MCUB: variants seen among roughly 807,000 people sequenced by gnomAD.
MCUB encodes calcium uniporter regulatory subunit MCUb, mitochondrial.
Under a neutral mutation model 41.4 loss-of-function variants are expected in MCUB, and 46 were observed. That is an observed-to-expected ratio of 1.11 (90% CI 0.88 to 1.42). The LOEUF (loss-of-function observed/expected upper bound fraction) is 1.42. Ranked by LOEUF, MCUB falls within the 40% of genes most tolerant of loss-of-function variation. The pLI, the probability that MCUB is intolerant of heterozygous loss-of-function variation, is 0.00. For missense variants in MCUB, 403 were observed against 404.9 expected, an observed-to-expected ratio of 1.00 and a Z score of 0.04; for synonymous variants, 148 against 148.2, an observed-to-expected ratio of 1.00 and a Z score of 0.01.
intron 1 of MCUB, among the ~76,000 whole-genome samples, chr4:109,632,615 C>CTTTTTTTT (rs33926597): frequency 8.5e-6 from 1 of 116,978 alleles, no homozygotes; most frequent in African/African-American, 3.4e-5. Flanking sequence ...TCTGTCATTG[C>CTTTTTTTT]TTTTTTTTTT....
chr4:109,647,735 C>T (rs1282339057), intron 1 of MCUB, among the ~76,000 whole-genome samples: 1 of 152,164 alleles, frequency 6.6e-6, no homozygotes, highest in Non-Finnish European at 1.5e-5. Flanking sequence ...AGGTCACACC[C>T]ATAATAACCG....
chr4:109,652,046 T>C (rs372688504), intron 1 of MCUB, among the ~76,000 whole-genome samples: 60 of 152,366 alleles, frequency 3.9e-4, no homozygotes, highest in African/African-American at 1.3e-3. Context: ...CTTCTTGGCT[T>C]GTACATGGCT....
At chr4:109,617,424 G>A (rs757946399) in intron 1 of MCUB, among the ~76,000 whole-genome samples, 13 of 152,304 alleles carry the variant, frequency 8.5e-5, no homozygotes, top group Non-Finnish European at 1.6e-4. Flanking sequence ...GTCGGGGGTG[G>A]GAGGGAGGAC....
intron 1 of MCUB, among the ~76,000 whole-genome samples, chr4:109,650,114 A>G (rs964551294): frequency 1.3e-5 from 2 of 152,220 alleles, no homozygotes; most frequent in Non-Finnish European, 2.9e-5. Flanking sequence ...GGTGTAAACT[A>G]AAAGGAAGAC....
intron 1 of MCUB, among the ~76,000 whole-genome samples, chr4:109,649,662 G>T (rs537050675): frequency 4.2e-4 from 64 of 151,398 alleles, no homozygotes; most frequent in Non-Finnish European, 8.3e-4. Context: ...AGAATTTTTT[G>T]TTTCTGGGGT....
intron 4 of MCUB, 47 bp from the exon 5 acceptor site, chr4:109,682,535 C>T (rs190359588): frequency 2.4e-5 from 36 of 1,504,586 alleles, no homozygotes; most frequent in South Asian, 1.7e-4. Flanking sequence ...ACACACCCTG[C>T]GGGAACAATG....
chr4:109,683,038 T>G (rs1478983426), intron 5 of MCUB: 1 of 226,572 alleles, frequency 4.4e-6, no homozygotes, highest in Non-Finnish European at 8.5e-6. Context: ...AGTCATAATG[T>G]CTCTGTAAAT....
At chr4:109,626,154 A>T (rs1054043064) in intron 1 of MCUB, among the ~76,000 whole-genome samples, 1 of 152,190 alleles carries the variant, frequency 6.6e-6, no homozygotes, top group Non-Finnish European at 1.5e-5. Flanking sequence ...TAAGCACTTG[A>T]TTCTCTCCTA....
At chr4:109,598,085 G>A (rs544791706) in intron 1 of MCUB, among the ~76,000 whole-genome samples, 72 of 150,674 alleles carry the variant, frequency 4.8e-4, no homozygotes, top group African/African-American at 1.7e-3. Context: ...ATGGCGGCCG[G>A]ACGGAGACGC....
In MCUB at chr4:109,647,381, A is replaced by T. The variant is rs573081017; in HGVS notation, c.100-11630A>T. ...ACCCCTGGCAGCCACTGATCCTTTT[A>T]CTGTCTCCACAGTTCTGCCTTCTGC... On this transcript the variant is annotated intron_variant, in intron 1 of 7. Coordinates refer to ENST00000394650, the MANE Select transcript of MCUB (RefSeq NM_017918.5). Among the ~76,000 whole-genome samples, 13 of 152,310 alleles carry T rather than the reference A, an allele frequency of 8.5e-5. No individual in the cohort carries two copies. In the South Asian group the frequency reaches 2.7e-3, roughly 32 times the overall value.
chr4:109,682,786 G>C, intron 5 of MCUB, 44 bp downstream of exon 5: 1 of 1,475,612 alleles, frequency 6.8e-7, no homozygotes, highest in Non-Finnish European at 9.3e-7. Flanking sequence ...ATAATACCTA[G>C]TGTTTATTGA....
At chr4:109,597,339 G>T (rs1244284371) in intron 1 of MCUB, among the ~76,000 whole-genome samples, 4 of 148,212 alleles carry the variant, frequency 2.7e-5, no homozygotes, top group Admixed American at 6.8e-5. Flanking sequence ...CCTCCCAGAC[G>T]GGGCGGCTGG....
intron 1 of MCUB, among the ~76,000 whole-genome samples, chr4:109,574,476 A>G (rs1726984041): frequency 6.6e-6 from 1 of 152,210 alleles, no homozygotes; most frequent in Non-Finnish European, 1.5e-5. Context: ...TGGAGAAGCC[A>G]TCTATATCTA....
chr4:109,686,802 A>G (rs1013694953), intron 7 of MCUB, among the ~76,000 whole-genome samples: 4 of 152,162 alleles, frequency 2.6e-5, no homozygotes, highest in Non-Finnish European at 5.9e-5. Context: ...CTTGAACCCA[A>G]GAGTTCCAAA....
At chr4:109,676,897 G>C (rs987955216) in intron 4 of MCUB, among the ~76,000 whole-genome samples, 3 of 152,228 alleles carry the variant, frequency 2.0e-5, no homozygotes, top group Non-Finnish European at 4.4e-5. Context: ...TTAAAAATGA[G>C]GCAGAATGTA....
chr4:109,664,385 C>T lies in MCUB; in HGVS notation c.442C>T (p.Pro148Ser), dbSNP rs192372636. 1.5e-6 allele frequency: 2 copies of T among 1,358,644 alleles called. No individual in the cohort carries two copies. Among genetic ancestry groups the T allele is most frequent in the Admixed American group, 3.5e-5 (2 of 57,678 alleles). The allele number at this position is 1,358,644 out of a possible 1,614,324, so 84.2% of individuals were successfully genotyped here. A position where few individuals can be genotyped will look rare whatever the true frequency, so the allele number is the denominator to read the frequency against. ...INKIAYDVQCPKREKPSNEHT... is the reference protein window; with the variant it reads ...INKIAYDVQCSKREKPSNEHT... Reference sequence around the variant, plus strand: ...TAAAATAGCATATGATGTGCAGTGTCCAAAGAGAGGTAAGAAACACAGCTA... The same window carrying T: ...TAAAATAGCATATGATGTGCAGTGTTCAAAGAGAGGTAAGAAACACAGCTA... Residue 148 changes from proline to serine, a missense_variant, in exon 4 of 8, where the codon CCA becomes TCA. Physicochemically the swap from Pro to Ser is moderately conservative, Grantham distance 74. Coordinates refer to ENST00000394650, the MANE Select transcript of MCUB (RefSeq NM_017918.5).
At chr4:109,630,448 T>G (rs1051698667) in intron 1 of MCUB, among the ~76,000 whole-genome samples, 2 of 152,128 alleles carry the variant, frequency 1.3e-5, no homozygotes, top group Non-Finnish European at 2.9e-5. Context: ...GGTGACACAG[T>G]GAGACCCCAT....
chr4:109,562,979 T>G (rs1019855646), intron 1 of MCUB, among the ~76,000 whole-genome samples: 1 of 152,256 alleles, frequency 6.6e-6, no homozygotes, highest in African/African-American at 2.4e-5. Context: ...TGTATTCATC[T>G]TTGGGCAAGG....
chr4:109,677,296 A>T (rs1448111532), intron 4 of MCUB, among the ~76,000 whole-genome samples: 1 of 152,110 alleles, frequency 6.6e-6, no homozygotes, highest in East Asian at 1.9e-4. Flanking sequence ...TGTGAGTTTG[A>T]TTTCAGACTC....
Sources: allele counts gnomAD v4.1 joint callset (sites outside exome capture counted in the v4.1 genomes callset), GRCh38; gene constraint gnomAD v4.1.1; transcripts MANE v1.5; gene names NCBI Gene and HGNC (gene_info 2026-07-23, HGNC 2026-07-21).